The following PCDHGB3 variants were observed in gnomAD, a reference collection of about 807,000 sequenced individuals.
PCDHGB3 encodes protocadherin gamma-B3.
Under a neutral mutation model 59.2 loss-of-function variants are expected in PCDHGB3, and 40 were observed. The ratio of observed to expected loss-of-function variants is 0.68; its 90% CI spans 0.52 to 0.88. PCDHGB3 has a LOEUF of 0.88. PCDHGB3 is among the 40% of genes least tolerant of loss of function. The pLI is 0.00. For synonymous variants in PCDHGB3, 581 were observed against 503.6 expected, an observed-to-expected ratio of 1.15 and a Z score of -2.06; for missense variants, 1,309 against 1,187.9, an observed-to-expected ratio of 1.10 and a Z score of -1.50.
intron 1 of PCDHGB3, among the ~76,000 whole-genome samples, chr5:141,483,525 A>G (rs1442825090): frequency 1.3e-5 from 2 of 152,126 alleles, no homozygotes; most frequent in African/African-American, 4.8e-5. Context: ...ATCCTGACTA[A>G]GGAAGCTGGG....
intron 1 of PCDHGB3, chr5:141,404,337 C>T (rs766940096): frequency 5.0e-6 from 8 of 1,613,902 alleles, no homozygotes; most frequent in Admixed American, 1.7e-5. Flanking sequence ...GTCTACCTCC[C>T]GGAAAACAAC....
At position 141,489,924 on chromosome 5, in the gene PCDHGB3, C is replaced by G. The variant is rs755286650; in HGVS notation, c.2416-4883C>G. ...CAGCCCGCTCAGGGACCACCCTTAT[C>G]TCTGTCATCGTGCTGGACATCAATG... is the stretch of plus-strand genomic sequence containing the variant. On this transcript the variant is annotated intron_variant, in intron 1 of 3. Transcript: ENST00000576222. This position sits in a 1 kb window ranked among gnomAD's most constrained non-coding sequence, Gnocchi z 4.5. 22 of 1,614,226 alleles carry G rather than the reference C, an allele frequency of 1.4e-5. No homozygotes were observed. The highest frequency in any genetic ancestry group is 1.9e-5 in the Non-Finnish European group (22 of 1,180,030).
At chr5:141,410,058 T>C in intron 1 of PCDHGB3, 1 of 1,613,016 alleles carries the variant, frequency 6.2e-7, no homozygotes, top group Non-Finnish European at 8.5e-7. Context: ...CTCTTCAGCC[T>C]GGGGCTGCGC....
chr5:141,371,611 CAGAT>C lies in PCDHGB3; in HGVS notation c.1218_1221del (p.Asp407GlufsTer13). The stretch of plus-strand genomic sequence containing the variant: ...ACCAAAAACACATACAGGTTGGTGA[CAGAT>C]GGAGCCCTGGACCGGGAGCAGATCC... On this transcript the variant is annotated frameshift_variant, in exon 1 of 4. Transcript: ENST00000576222. LOFTEE classifies it high-confidence loss of function. The C allele has an allele frequency of 6.2e-7, 1 of 1,613,996 alleles. No homozygotes were observed. Among genetic ancestry groups the C allele is most frequent in the African/African-American group, 1.3e-5 (1 of 75,060 alleles).
chr5:141,487,403 C>T lies in PCDHGB3; in HGVS notation c.2416-7404C>T. 1 of 1,614,140 alleles carries T rather than the reference C, an allele frequency of 6.2e-7. No homozygotes were observed. Among genetic ancestry groups the T allele is most frequent in the South Asian group, 1.1e-5 (1 of 91,082 alleles). ...CAGATCTCGAAGGAGGGAGGGGCTTCCCCCTTCCAATGGGATCCTCCGAAT... is the reference window on the plus strand; with the variant it reads ...CAGATCTCGAAGGAGGGAGGGGCTTTCCCCTTCCAATGGGATCCTCCGAAT... On this transcript the variant is annotated intron_variant, in intron 1 of 3. Coordinates refer to ENST00000576222, the MANE Select transcript of PCDHGB3 (RefSeq NM_018924.5). The surrounding 1 kb of genome is among the most constrained non-coding windows in gnomAD (Gnocchi z 5.0).
At chr5:141,438,635 T>TAC (rs56854727) in intron 1 of PCDHGB3, among the ~76,000 whole-genome samples, 5 of 33,422 alleles carry the variant, frequency 1.5e-4, no homozygotes, top group Admixed American at 8.3e-4. Flanking sequence ...TATATATATA[T>TAC]ACACACACAC....
chr5:141,400,007 C>G (rs907315450), intron 1 of PCDHGB3: 2 of 1,612,506 alleles, frequency 1.2e-6, no homozygotes, highest in African/African-American at 1.3e-5. Flanking sequence ...ACAGCGCGTG[C>G]CTTGGGCGAC....
chr5:141,486,745 C>T lies in PCDHGB3; in HGVS notation c.2416-8062C>T, dbSNP rs1167986336. On this transcript the variant is annotated intron_variant, in intron 1 of 3. Coordinates refer to ENST00000576222, the MANE Select transcript of PCDHGB3 (RefSeq NM_018924.5). This position sits in a 1 kb window ranked among gnomAD's most constrained non-coding sequence, Gnocchi z 5.0. ...CTGTTCATGCTACTCGATCCTTTGA[C>T]TATGAGCAAACCCAGACACTGCAGT... 3.1e-6 allele frequency: 5 copies of T among 1,614,226 alleles called. No homozygotes were observed. The highest frequency in any genetic ancestry group is 3.4e-6 in the Non-Finnish European group (4 of 1,180,044).
chr5:141,415,375 G>A (rs1453832867), intron 1 of PCDHGB3: 12 of 1,614,258 alleles, frequency 7.4e-6, no homozygotes, highest in South Asian at 1.1e-5. Context: ...GGCTTCAGGA[G>A]GCGGCTTGAC....
At chr5:141,400,609 A>G (rs376731583) in intron 1 of PCDHGB3, 129 of 1,577,604 alleles carry the variant, frequency 8.2e-5, no homozygotes, top group South Asian at 3.2e-4. Flanking sequence ...TTCAAGTCCA[A>G]TGAGTTGTCT....
rs181202785 is a variant in PCDHGB3, at chr5:141,458,320, G to A, written c.2416-36487G>A. On this transcript the variant is annotated intron_variant, in intron 1 of 3. Transcript: ENST00000576222. ...TTTAGATAAAATGACACAGACACAT[G>A]TGGAGTGGTTTTAAGGAGTGGAGAG... is the stretch of plus-strand genomic sequence containing the variant. Among the ~76,000 whole-genome samples the A allele has an allele frequency of 3.2e-3, 490 of 152,250 alleles. 4 individuals are homozygous for A. The highest frequency in any genetic ancestry group is 0.017 in the Middle Eastern group (5 of 294).
At chr5:141,423,167 T>C in intron 1 of PCDHGB3, 1 of 1,613,424 alleles carries the variant, frequency 6.2e-7, no homozygotes, top group Non-Finnish European at 8.5e-7. Context: ...GTGGTGGCCG[T>C]CCAGGACCAC....
rs774366625 is a variant in PCDHGB3, at chr5:141,384,613, T to A, written c.2415+11804T>A. On this transcript the variant is annotated intron_variant, in intron 1 of 3. Coordinates refer to ENST00000576222, the MANE Select transcript of PCDHGB3 (RefSeq NM_018924.5). ...GTACCCGGCCCTCCCCACAGATGGTTCTACTGGCATGGAGCTGGCACCCCG... is the reference window on the plus strand; with the variant it reads ...GTACCCGGCCCTCCCCACAGATGGTACTACTGGCATGGAGCTGGCACCCCG... The A allele has an allele frequency of 9.9e-6, 16 of 1,614,202 alleles. No homozygotes were observed. The Admixed American group carries it at 2.7e-4, about 27-fold the overall frequency.
Position 141,476,852 on chromosome 5 carries a change from C to T in PCDHGB3, c.2416-17955C>T. 6.2e-7 allele frequency: 1 copy of T among 1,613,828 alleles called. No homozygotes were observed. Among genetic ancestry groups the T allele is most frequent in the Non-Finnish European group, 8.5e-7 (1 of 1,180,044 alleles). ...GAATGACAATGCGCCTGTCTTCAAC[C>T]AGTCCTTGTACCGGGCGCGCGTCCT... On this transcript the variant is annotated intron_variant, in intron 1 of 3. Coordinates refer to ENST00000576222, the MANE Select transcript of PCDHGB3 (RefSeq NM_018924.5). This position sits in a 1 kb window ranked among gnomAD's most constrained non-coding sequence, Gnocchi z 7.6.
intron 2 of PCDHGB3, among the ~76,000 whole-genome samples, chr5:141,501,877 A>G (rs1267260445): frequency 1.3e-5 from 2 of 151,690 alleles, no homozygotes; most frequent in East Asian, 3.9e-4. Flanking sequence ...GCCTCCTTAC[A>G]CTCCTGATCA....
chr5:141,422,406 T>C, intron 1 of PCDHGB3: 1 of 1,601,224 alleles, frequency 6.2e-7, no homozygotes, highest in South Asian at 1.1e-5. Context: ...ACCTGCCTTT[T>C]AAATTAGAAA....
chr5:141,421,505 G>A (rs745883683), intron 1 of PCDHGB3: 3 of 1,614,058 alleles, frequency 1.9e-6, no homozygotes, highest in South Asian at 1.1e-5. Context: ...AGGATAGACC[G>A]GGAGGAGCTC....
intron 1 of PCDHGB3, chr5:141,422,047 A>G: frequency 6.2e-7 from 1 of 1,611,610 alleles, no homozygotes; most frequent in Non-Finnish European, 8.5e-7. Context: ...AGACGAGGGA[A>G]TCAACGGGGA....
At position 141,485,680 on chromosome 5, in the gene PCDHGB3, C is replaced by A. The variant is rs1450674419; in HGVS notation, c.2416-9127C>A. The A allele has an allele frequency of 6.2e-7, 1 of 1,613,966 alleles. No individual in the cohort carries two copies. On this transcript the variant is annotated intron_variant, in intron 1 of 3. Transcript: ENST00000576222. The surrounding 1 kb of genome is among the most constrained non-coding windows in gnomAD (Gnocchi z 5.7). ...ATGTGGGGAGCAATTCGATTAGCAGCTATAGGCTGAGCTCCAATGAACACT... is the reference window on the plus strand; with the variant it reads ...ATGTGGGGAGCAATTCGATTAGCAGATATAGGCTGAGCTCCAATGAACACT...
Sources: allele counts gnomAD v4.1 joint callset (sites outside exome capture counted in the v4.1 genomes callset), GRCh38; gene constraint gnomAD v4.1.1; non-coding constraint Gnocchi (gnomAD v3.1); transcripts MANE v1.5; gene names NCBI Gene and HGNC (gene_info 2026-07-23, HGNC 2026-07-21).